Variants in NAALADL2 observed in about 807,000 individuals in gnomAD.
NAALADL2 encodes N-acetylated alpha-linked acidic dipeptidase like 2.
NAALADL2 carries 76 observed loss-of-function variants against 87.2 expected under a neutral mutation model. The observed-to-expected ratio is 0.87, with a 90% CI of 0.72 to 1.05. The LOEUF (loss-of-function observed/expected upper bound fraction) is 1.05. NAALADL2 is among the 50% of genes least tolerant of loss of function. The pLI, the probability that NAALADL2 is intolerant of heterozygous loss-of-function variation, is 0.00. For synonymous variants in NAALADL2, 354 were observed against 331.0 expected (o/e 1.07, Z -0.75); for missense variants, 1,089 against 945.8 (o/e 1.15, Z -1.99).
Position 175,803,054 on chromosome 3 carries a change from A to T in NAALADL2, c.2239A>T (p.Ile747Leu), listed in dbSNP as rs1409975731. 6.2e-7 allele frequency: 1 copy of T among 1,612,346 alleles called. No individual in the cohort carries two copies. Among genetic ancestry groups the T allele is most frequent in the South Asian group, 1.1e-5 (1 of 91,032 alleles). The change falls in exon 14 of 14, where the codon ATA (isoleucine) becomes TTA (leucine). Residue 747 changes from isoleucine (I) to leucine (L), a missense_variant. Ile to Leu is a conservative substitution (Grantham distance 5, BLOSUM62 2). Coordinates refer to ENST00000454872, the MANE Select transcript of NAALADL2 (RefSeq NM_207015.3). ...DEKTSRFSIL[I>L]EAWEHCKPLA... is the part of the protein sequence containing the mutation. ...AAAGACAAGCCGGTTTTCAATACTT[A>T]TAGAGGCTTGGGAACACTGCAAACC...
chr3:174,665,104 A>G (rs1725843261), intron 2 of NAALADL2, among the ~76,000 whole-genome samples: 1 of 152,210 alleles, frequency 6.6e-6, no homozygotes, highest in Non-Finnish European at 1.5e-5. Flanking sequence ...CCATTGATGC[A>G]GTACTTCTCA....
At chr3:175,575,997 TG>T in intron 9 of NAALADL2, 43 bp from the exon 10 acceptor site, 1 of 1,523,454 alleles carries the variant, frequency 6.6e-7, no homozygotes, top group South Asian at 1.2e-5. Flanking sequence ...AGGGATGACC[TG>T]GGAAGCATAG....
intron 2 of NAALADL2, among the ~76,000 whole-genome samples, chr3:174,559,399 G>T (rs1004505555): frequency 6.6e-6 from 1 of 152,164 alleles, no homozygotes. Context: ...TTAAGGGCAG[G>T]ATTTATGGTA....
intron 1 of NAALADL2, among the ~76,000 whole-genome samples, chr3:174,872,729 CACAT>C (rs1727990947): frequency 1.4e-5 from 2 of 144,718 alleles, no homozygotes; most frequent in African/African-American, 5.6e-5. Context: ...TCTACACACA[CACAT>C]ACACACACAC....
intron 1 of NAALADL2, among the ~76,000 whole-genome samples, chr3:175,006,000 C>T (rs922796438): frequency 1.3e-5 from 2 of 152,158 alleles, no homozygotes; most frequent in Admixed American, 6.6e-5. Context: ...ACTGTGGTTA[C>T]GATGTGCGCG....
intron 9 of NAALADL2, among the ~76,000 whole-genome samples, chr3:175,523,605 T>C (rs1036437171): frequency 1.7e-4 from 26 of 152,346 alleles, no homozygotes; most frequent in Non-Finnish European, 2.2e-4. Flanking sequence ...AGCGAAGCAA[T>C]GGAGCAATGG....
intron 3 of NAALADL2, among the ~76,000 whole-genome samples, chr3:174,796,597 A>G (rs894920925): frequency 5.3e-5 from 8 of 151,750 alleles, no homozygotes; most frequent in African/African-American, 1.5e-4. Flanking sequence ...TTGTATATGT[A>G]TATCACATTT....
intron 3 of NAALADL2, among the ~76,000 whole-genome samples, chr3:174,769,933 A>G (rs9844180): frequency 0.24 from 35,749 of 151,820 alleles, 4,424 homozygotes; most frequent in Middle Eastern, 0.3. Flanking sequence ...AGGCCTCCAT[A>G]TTTTTGGCAT....
At chr3:175,742,237 T>C (rs1745321098) in intron 12 of NAALADL2, among the ~76,000 whole-genome samples, 1 of 152,198 alleles carries the variant, frequency 6.6e-6, no homozygotes, top group Non-Finnish European at 1.5e-5. Flanking sequence ...GTAGCTATAC[T>C]ATATAGAAAT....
At chr3:175,500,114 T>C (rs941688916) in intron 9 of NAALADL2, among the ~76,000 whole-genome samples, 6 of 152,196 alleles carry the variant, frequency 3.9e-5, no homozygotes, top group African/African-American at 1.2e-4. Context: ...CTAGGAGCTA[T>C]GGGATACTAC....
At chr3:175,486,410 G>A (rs760065788) in intron 9 of NAALADL2, among the ~76,000 whole-genome samples, 6 of 152,008 alleles carry the variant, frequency 3.9e-5, no homozygotes, top group Admixed American at 6.6e-5. Context: ...ACTGAAGCTC[G>A]TCTCTTAGTG....
chr3:175,120,583 C>T (rs9866306), intron 2 of NAALADL2, among the ~76,000 whole-genome samples: 91,711 of 151,544 alleles, frequency 0.61, 28,258 homozygotes, highest in African/African-American at 0.73. Flanking sequence ...TTGCATTGGT[C>T]CAAGTATTAA....
At chr3:175,492,617 A>G (rs187509429) in intron 9 of NAALADL2, among the ~76,000 whole-genome samples, 56 of 152,298 alleles carry the variant, frequency 3.7e-4, no homozygotes, top group Non-Finnish European at 8.8e-5. Context: ...CCAAGCATTA[A>G]TAGATCGTTC....
chr3:175,349,061 G>C (rs1763455051), intron 5 of NAALADL2, among the ~76,000 whole-genome samples: 1 of 152,024 alleles, frequency 6.6e-6, no homozygotes, highest in Non-Finnish European at 1.5e-5. Flanking sequence ...CTTTTAATTA[G>C]TCTTTTGTGG....
chr3:175,029,361 T>G (rs1032908624), intron 1 of NAALADL2, among the ~76,000 whole-genome samples: 9 of 152,008 alleles, frequency 5.9e-5, no homozygotes, highest in Non-Finnish European at 1.3e-4. Flanking sequence ...AATTTAAAAA[T>G]GGGGGACCCT....
chr3:175,097,337 A>C, intron 2 of NAALADL2, 46 bp downstream of exon 2: 1 of 1,548,080 alleles, frequency 6.5e-7, no homozygotes, highest in Non-Finnish European at 8.8e-7. Context: ...TTTCTTGGGA[A>C]AAATGTCTCA....
chr3:175,025,911 GT>G (rs1333928368), intron 1 of NAALADL2, among the ~76,000 whole-genome samples: 1 of 152,110 alleles, frequency 6.6e-6, no homozygotes, highest in Non-Finnish European at 1.5e-5. Flanking sequence ...TCAGGCTCAA[GT>G]GATTCGCCCA....
chr3:174,815,830 GTTTTTTTTTTTTTTTT>G, intron 3 of NAALADL2, among the ~76,000 whole-genome samples: 1 of 115,202 alleles, frequency 8.7e-6, no homozygotes, highest in Non-Finnish European at 1.8e-5. Context: ...TTTGACTTTA[GTTTTTTTTTTTTTTTT>G]TTTTTTTTTT....
intron 13 of NAALADL2, among the ~76,000 whole-genome samples, chr3:175,798,858 C>T (rs1272529205): frequency 2.0e-5 from 3 of 151,956 alleles, no homozygotes; most frequent in Non-Finnish European, 4.4e-5. Context: ...TTATTAATAA[C>T]ATCTTATCAT....
Sources: gnomAD v4.1 joint callset for allele counts (sites outside exome capture counted in the v4.1 genomes callset) on GRCh38, gnomAD v4.1.1 for gene constraint, MANE v1.5 for transcripts, NCBI Gene and HGNC (gene_info 2026-07-23, HGNC 2026-07-21) for gene names.